Variants in CADPS observed in about 807,000 individuals in gnomAD.
The protein encoded by CADPS is calcium-dependent secretion activator 1.
A neutral mutation model predicts 167.3 loss-of-function variants in CADPS; 57 were observed. The ratio of observed to expected loss-of-function variants is 0.34; its 90% CI spans 0.28 to 0.42. The LOEUF is 0.42. Ranked by LOEUF, CADPS falls within the 20% of genes least tolerant of loss-of-function variation. CADPS has a pLI of 1.00. For missense variants in CADPS, 1,414 were observed against 1,738.1 expected, an observed-to-expected ratio of 0.81 and a Z score of 3.32; for synonymous variants, 676 against 635.3, an observed-to-expected ratio of 1.06 and a Z score of -0.96.
At chr3:62,731,785 T>C (rs2077869550) in intron 3 of CADPS, among the ~76,000 whole-genome samples, 1 of 77,420 alleles carries the variant, frequency 1.3e-5, no homozygotes, top group Non-Finnish European at 2.4e-5. Context: ...GACTTCCTGG[T>C]GAAAGAAACT....
chr3:62,723,977 G>A (rs1223869814), intron 3 of CADPS, among the ~76,000 whole-genome samples: 2 of 152,228 alleles, frequency 1.3e-5, no homozygotes, highest in East Asian at 3.9e-4. Context: ...AGTTCAGGTG[G>A]CCTTATGTGG....
At chr3:62,705,033 A>T (rs1430298586) in intron 3 of CADPS, among the ~76,000 whole-genome samples, 1 of 152,096 alleles carries the variant, frequency 6.6e-6, no homozygotes, top group East Asian at 1.9e-4. Context: ...GATGCTTGGG[A>T]TTCCAGCTTA....
At chr3:62,411,334 A>C (rs1305237575) in intron 28 of CADPS, among the ~76,000 whole-genome samples, 1 of 152,182 alleles carries the variant, frequency 6.6e-6, no homozygotes, top group Non-Finnish European at 1.5e-5. Context: ...GGCTAATGAA[A>C]TAACATTTTG....
intron 26 of CADPS, among the ~76,000 whole-genome samples, chr3:62,462,693 G>T (rs931467734): frequency 2.6e-5 from 4 of 152,108 alleles, no homozygotes; most frequent in African/African-American, 9.7e-5. Flanking sequence ...CTCTGCACAG[G>T]GTCCTAGGAC....
At chr3:62,448,621 TGG>T (rs112771237) in intron 26 of CADPS, among the ~76,000 whole-genome samples, 1 of 149,636 alleles carries the variant, frequency 6.7e-6, no homozygotes, top group Admixed American at 6.7e-5. Flanking sequence ...TGAACTTTTT[TGG>T]GGGGGGGTGG....
chr3:62,455,485 T>A lies in CADPS; in HGVS notation c.3637-9688A>T. ...TGGAGCTGGTATTTGAAGCATGGTT[T>A]CCTTGGACTCCAGGGTTTGCCCTCC... On this transcript the variant is annotated intron_variant, in intron 26 of 29. Transcript: ENST00000383710. The surrounding 1 kb of genome is among the most constrained non-coding windows in gnomAD (Gnocchi z 4.4). Among the ~76,000 whole-genome samples the A allele has an allele frequency of 6.6e-6, 1 of 152,212 alleles. No homozygotes were observed. Among genetic ancestry groups the A allele is most frequent in the East Asian group, 1.9e-4 (1 of 5,190 alleles).
At chr3:62,471,058 G>C (rs1022262099) in intron 24 of CADPS, among the ~76,000 whole-genome samples, 2 of 152,074 alleles carry the variant, frequency 1.3e-5, no homozygotes, top group African/African-American at 4.8e-5. Flanking sequence ...CAGAATTAGG[G>C]GACTTTATTT....
chr3:62,450,338 G>A (rs1256250313), intron 26 of CADPS, among the ~76,000 whole-genome samples: 2 of 152,164 alleles, frequency 1.3e-5, no homozygotes, highest in African/African-American at 2.4e-5. Flanking sequence ...CCAGTGCCCT[G>A]GGTTATAATC....
At chr3:62,592,874 C>G in intron 6 of CADPS, 126 bp from the exon 7 acceptor site, 1 of 570,554 alleles carries the variant, frequency 1.8e-6, no homozygotes, top group Non-Finnish European at 3.1e-6. Flanking sequence ...ACATCCTCTT[C>G]TCCTCCCCTT....
At chr3:62,740,306 C>G (rs539532167) in intron 3 of CADPS, among the ~76,000 whole-genome samples, 1 of 152,312 alleles carries the variant, frequency 6.6e-6, no homozygotes, top group South Asian at 2.1e-4. Flanking sequence ...CTCAAGACCT[C>G]TGCTCATTTA....
intron 4 of CADPS, among the ~76,000 whole-genome samples, chr3:62,657,863 A>T (rs1031882071): frequency 6.6e-6 from 1 of 152,086 alleles, no homozygotes; most frequent in Non-Finnish European, 1.5e-5. Context: ...GATGATGAGA[A>T]TGCTGCTGGC....
At chr3:62,628,596 A>ACTCT (rs57090374) in intron 6 of CADPS, among the ~76,000 whole-genome samples, 4 of 138,238 alleles carry the variant, frequency 2.9e-5, no homozygotes, top group Middle Eastern at 3.9e-3. Flanking sequence ...ACACACACAC[A>ACTCT]CTCTCTCTCT....
rs2051199749 is a variant in CADPS, at chr3:62,420,897, CACACAGGCACACACACA to C, written c.3777+17190_3777+17206del. On this transcript the variant is annotated intron_variant, in intron 28 of 29. Transcript: ENST00000383710. The surrounding 1 kb of genome is among the most constrained non-coding windows in gnomAD (Gnocchi z 4.1). ...ACACACACACACACACACACACACACACACAGGCACACACACACACACTTGCCAGATCACTTACCCAA... is the reference window on the plus strand; with the variant it reads ...ACACACACACACACACACACACACACCACACTTGCCAGATCACTTACCCAA... Among the ~76,000 whole-genome samples, 1 of 123,176 alleles carries C rather than the reference CACACAGGCACACACACA, an allele frequency of 8.1e-6. No individual in the cohort carries two copies. The highest frequency in any genetic ancestry group is 3.5e-5 in the African/African-American group (1 of 28,668). 80.8% of individuals were successfully genotyped at this position (123,176 alleles called of 152,430 possible).
chr3:62,465,564 G>A lies in CADPS; in HGVS notation c.3553-114C>T, dbSNP rs980047260. The A allele has an allele frequency of 7.9e-6, 5 of 636,646 alleles. No individual in the cohort carries two copies. Among genetic ancestry groups the A allele is most frequent in the South Asian group, 2.8e-5 (1 of 35,916 alleles). The allele number at this position is 636,646 out of a possible 1,614,324, so 39.4% of individuals were successfully genotyped here. A position where few individuals can be genotyped will look rare whatever the true frequency, so the allele number is the denominator to read the frequency against. On this transcript the variant is annotated intron_variant, in intron 25 of 29. Coordinates refer to ENST00000383710, the MANE Select transcript of CADPS (RefSeq NM_003716.4). This position sits in a 1 kb window ranked among gnomAD's most constrained non-coding sequence, Gnocchi z 4.1. ...GGGATCGAGCCCTCCGTTCATTTCT[G>A]CAGTCTATTATTTGATTCCCGCCTT... is the stretch of plus-strand genomic sequence containing the variant.
chr3:62,823,304 C>A (rs528757712), intron 1 of CADPS, among the ~76,000 whole-genome samples: 1 of 152,092 alleles, frequency 6.6e-6, no homozygotes, highest in African/African-American at 2.4e-5. Context: ...TACAAAATCC[C>A]AAACCTGCTG....
chr3:62,803,075 T>A (rs745589234), intron 1 of CADPS, among the ~76,000 whole-genome samples: 8 of 152,136 alleles, frequency 5.3e-5, no homozygotes, highest in Non-Finnish European at 1.0e-4. Context: ...TTGCCTCCTC[T>A]TAGCAACCTC....
intron 28 of CADPS, among the ~76,000 whole-genome samples, chr3:62,409,779 C>T (rs533940399): frequency 6.6e-6 from 1 of 152,234 alleles, no homozygotes; most frequent in Admixed American, 6.5e-5. Flanking sequence ...TGAAAAATTA[C>T]ATATCATAGG....
At chr3:62,400,105 C>T (rs1705355865) in intron 29 of CADPS, among the ~76,000 whole-genome samples, 1 of 152,182 alleles carries the variant, frequency 6.6e-6, no homozygotes, top group African/African-American at 2.4e-5. Context: ...TATATGAAAC[C>T]TATTACAGGC....
At chr3:62,611,181 C>A (rs574871469) in intron 6 of CADPS, among the ~76,000 whole-genome samples, 100 of 152,282 alleles carry the variant, frequency 6.6e-4, no homozygotes, top group Non-Finnish European at 1.2e-3. Flanking sequence ...CAAACCTACA[C>A]TGGCTTTTCT....
Sources: gnomAD v4.1 joint callset for allele counts (sites outside exome capture counted in the v4.1 genomes callset) on GRCh38, gnomAD v4.1.1 for gene constraint, Gnocchi (gnomAD v3.1) non-coding constraint, MANE v1.5 for transcripts, NCBI Gene and HGNC (gene_info 2026-07-23, HGNC 2026-07-21) for gene names.